The following STX18 variants were observed in gnomAD, a reference collection of about 807,000 sequenced individuals.
STX18 encodes syntaxin-18.
A neutral mutation model predicts 50.1 loss-of-function variants in STX18; 40 were observed. The observed-to-expected ratio is 0.80, with a 90% CI of 0.62 to 1.04. STX18 has a LOEUF of 1.04. Ranked by LOEUF, STX18 falls within the 50% of genes least tolerant of loss-of-function variation. The pLI, the probability that STX18 is intolerant of heterozygous loss-of-function variation, is 0.00. For synonymous variants in STX18, 158 were observed against 151.8 expected, an observed-to-expected ratio of 1.04 and a Z score of -0.30; for missense variants, 410 against 415.8, an observed-to-expected ratio of 0.99 and a Z score of 0.12.
At chr4:4,434,000 A>G (rs1725650827) in intron 7 of STX18, among the ~76,000 whole-genome samples, 1 of 152,224 alleles carries the variant, frequency 6.6e-6, no homozygotes, top group Admixed American at 6.5e-5. Context: ...TGCAATTATT[A>G]AAAGTATCAT....
intron 2 of STX18, among the ~76,000 whole-genome samples, chr4:4,460,604 C>G (rs1416762934): frequency 6.6e-6 from 1 of 152,206 alleles, no homozygotes; most frequent in African/African-American, 2.4e-5. Context: ...CCCTACCCCA[C>G]TTCCATATTT....
rs1468947764 is a variant in STX18 at position 4,419,484 on chromosome 4, G to GT, written c.*549dup. On this transcript the variant is annotated 3_prime_UTR_variant, in exon 11 of 11. Coordinates refer to ENST00000306200, the MANE Select transcript of STX18 (RefSeq NM_016930.4). ...CTCATTGACAACACATTAAGGGGCT[G>GT]TAATTATATTTATTAGATTAACAAG... 6.6e-6 allele frequency: 1 copy of GT among 152,584 alleles called. No individual in the cohort carries two copies. The highest frequency in any genetic ancestry group is 1.5e-5 in the Non-Finnish European group (1 of 68,304). The allele number at this position is 152,584 out of a possible 1,614,324, so 9.5% of individuals were successfully genotyped here. A position where few individuals can be genotyped will look rare whatever the true frequency, so the allele number is the denominator to read the frequency against.
rs761091540 is a variant in STX18, at chr4:4,420,828, G to T, written c.912+36C>A. 4.7e-5 allele frequency: 75 copies of T among 1,581,498 alleles called. No individual in the cohort carries two copies. Among genetic ancestry groups the T allele is most frequent in the African/African-American group, 1.3e-5 (1 of 74,314 alleles). ...ACCCGCTGCTGGGACTCAGTGCTGC[G>T]CCACGTCGCACCTGGGGAACCTAAA... On this transcript the variant is annotated intron_variant, in intron 10 of 10. Coordinates refer to ENST00000306200, the MANE Select transcript of STX18 (RefSeq NM_016930.4). This position sits in a 1 kb window ranked among gnomAD's most constrained non-coding sequence, Gnocchi z 4.3.
At chr4:4,496,934 G>T (rs564931869) in intron 1 of STX18, among the ~76,000 whole-genome samples, 40 of 152,312 alleles carry the variant, frequency 2.6e-4, no homozygotes, top group Non-Finnish European at 4.4e-4. Context: ...CCTTCATAAG[G>T]CCAGGACAAA....
intron 5 of STX18, among the ~76,000 whole-genome samples, chr4:4,443,049 A>G (rs1726205654): frequency 6.6e-6 from 1 of 152,238 alleles, no homozygotes; most frequent in African/African-American, 2.4e-5. Context: ...CAGGCTGTGA[A>G]GTAGGCACTT....
At chr4:4,472,141 G>T (rs936214006) in intron 1 of STX18, among the ~76,000 whole-genome samples, 1 of 152,228 alleles carries the variant, frequency 6.6e-6, no homozygotes, top group African/African-American at 2.4e-5. Context: ...GAGCAGCAGA[G>T]TTAAAGCAAA....
chr4:4,493,039 T>A (rs1019669083), intron 1 of STX18, among the ~76,000 whole-genome samples: 2 of 152,200 alleles, frequency 1.3e-5, no homozygotes, highest in Non-Finnish European at 2.9e-5. Flanking sequence ...ACCCACTTAT[T>A]TGGAAAAAAA....
At chr4:4,542,180 C>T (rs907080919), upstream of STX18, 4 of 532,478 alleles carry the variant, frequency 7.5e-6, no homozygotes, top group Non-Finnish European at 6.3e-6. Context: ...AGGAACCTCG[C>T]GACGCGCTCT....
chr4:4,436,132 C>T (rs1490625417), intron 6 of STX18, among the ~76,000 whole-genome samples: 3 of 152,072 alleles, frequency 2.0e-5, no homozygotes, highest in Non-Finnish European at 2.9e-5. Flanking sequence ...GGGAAGAGAA[C>T]GTAATGATAG....
intron 1 of STX18, among the ~76,000 whole-genome samples, chr4:4,521,704 AAAG>A (rs1157050785): frequency 2.0e-5 from 3 of 152,144 alleles, no homozygotes; most frequent in Admixed American, 1.3e-4. Context: ...TTCAGTTCAG[AAAG>A]AAGAATATCC....
At chr4:4,461,987 G>T (rs1403001669) in intron 2 of STX18, 1 of 456,256 alleles carries the variant, frequency 2.2e-6, no homozygotes, top group Admixed American at 2.3e-5. Flanking sequence ...TGCTCCAGGG[G>T]CTGCGGCTGC....
intron 1 of STX18, among the ~76,000 whole-genome samples, chr4:4,495,563 C>CTTTTTTTT (rs35298335): frequency 1.5e-5 from 2 of 129,980 alleles, no homozygotes; most frequent in African/African-American, 5.8e-5. Flanking sequence ...TTTTTCTTTT[C>CTTTTTTTT]TTTTTTTTTT....
intron 5 of STX18, among the ~76,000 whole-genome samples, chr4:4,439,104 A>ACACATAC (rs1307648569): frequency 2.9e-4 from 38 of 131,174 alleles, no homozygotes; most frequent in Middle Eastern, 7.6e-3. Context: ...ATACCCCCAC[A>ACACATAC]CACATACCCC....
At chr4:4,441,374 T>C (rs1459653562) in intron 5 of STX18, among the ~76,000 whole-genome samples, 5 of 152,182 alleles carry the variant, frequency 3.3e-5, no homozygotes, top group Non-Finnish European at 1.5e-5. Context: ...ATCACAAATA[T>C]GCACAAAGGT....
intron 1 of STX18, among the ~76,000 whole-genome samples, chr4:4,517,637 G>C (rs1172504903): frequency 6.6e-6 from 1 of 152,130 alleles, no homozygotes; most frequent in African/African-American, 2.4e-5. Context: ...AAACCAAGGA[G>C]TTTCTAAACC....
chr4:4,495,594 T>C (rs1341247496), intron 1 of STX18, among the ~76,000 whole-genome samples: 2 of 142,716 alleles, frequency 1.4e-5, no homozygotes, highest in Non-Finnish European at 3.0e-5. Context: ...AGAGACGAGG[T>C]CTTGCTATGT....
intron 5 of STX18, chr4:4,453,566 G>C: frequency 1.4e-5 from 8 of 561,116 alleles, no homozygotes; most frequent in Non-Finnish European, 1.8e-5. Flanking sequence ...AAACCAAAAT[G>C]TCTTTGTGAC....
chr4:4,423,066 T>C, intron 9 of STX18, among the ~76,000 whole-genome samples: 1 of 152,190 alleles, frequency 6.6e-6, no homozygotes, highest in Non-Finnish European at 1.5e-5. Flanking sequence ...GGGTCTGAGC[T>C]CCTGTAACCT....
intron 1 of STX18, among the ~76,000 whole-genome samples, chr4:4,494,252 C>T (rs756777327): frequency 6.6e-6 from 1 of 152,194 alleles, no homozygotes; most frequent in Non-Finnish European, 1.5e-5. Flanking sequence ...TATTTGGGCT[C>T]ACAGTGTACC....
Sources: gnomAD v4.1 joint callset for allele counts (sites outside exome capture counted in the v4.1 genomes callset) on GRCh38, gnomAD v4.1.1 for gene constraint, Gnocchi (gnomAD v3.1) non-coding constraint, MANE v1.5 for transcripts, NCBI Gene and HGNC (gene_info 2026-07-23, HGNC 2026-07-21) for gene names.